PRKCE: variants seen among roughly 807,000 people sequenced by gnomAD.
The protein encoded by PRKCE is protein kinase C epsilon, also known as protein kinase C epsilon type.
A neutral mutation model predicts 85.4 loss-of-function variants in PRKCE; 16 were observed. The observed-to-expected ratio is 0.19, with a 90% confidence interval of 0.13 to 0.28. PRKCE has a LOEUF of 0.28. Ranked by LOEUF, PRKCE falls within the 10% of genes least tolerant of loss-of-function variation. The pLI, the probability that PRKCE is intolerant of heterozygous loss-of-function variation, is 1.00. For missense variants in PRKCE, 573 were observed against 975.2 expected (o/e 0.59, Z 5.49); for synonymous variants, 388 against 371.5 (o/e 1.04, Z -0.51).
chr2:45,742,205 T>A (rs116620838), intron 1 of PRKCE, among the ~76,000 whole-genome samples: 1 of 151,892 alleles, frequency 6.6e-6, no homozygotes, highest in African/African-American at 2.4e-5. Context: ...AAACCATATA[T>A]CCAATAAGGG....
chr2:46,122,828 A>G (rs1423759945), intron 11 of PRKCE, among the ~76,000 whole-genome samples: 1 of 150,986 alleles, frequency 6.6e-6, no homozygotes, highest in African/African-American at 2.4e-5. Context: ...TCCAATGGTC[A>G]GGAAGTGGGG....
chr2:45,674,757 A>G (rs1333963633), intron 1 of PRKCE: 1 of 152,260 alleles, frequency 6.6e-6, no homozygotes, highest in Non-Finnish European at 1.5e-5. Flanking sequence ...CTTCCTGAAA[A>G]GAGGTGGGCA....
rs115598152 is a variant in PRKCE at position 45,842,295 on chromosome 2, C to T, written c.349-705C>T. On this transcript the variant is annotated intron_variant, in intron 1 of 14. Transcript: ENST00000306156. ...ATACCTTCCCTTCCCTCTTCCCTTCCGTCTTCTACACTGATTTCAGGTTCG... is the reference window on the plus strand; with the variant it reads ...ATACCTTCCCTTCCCTCTTCCCTTCTGTCTTCTACACTGATTTCAGGTTCG... Among the ~76,000 whole-genome samples the T allele has an allele frequency of 2.7e-3, 407 of 152,264 alleles. 3 individuals are homozygous for T. Among genetic ancestry groups the T allele is most frequent in the African/African-American group, 9.0e-3 (372 of 41,542 alleles).
rs377263140 is a variant in PRKCE at position 46,172,177 on chromosome 2, C to G, written c.2067+12425C>G. Reference sequence around the variant, plus strand: ...CAGCGTTCATTCCATTAGCTGGGAGCCTGCAAAGCCAGGCTGAGCTGGGCC... The same window carrying G: ...CAGCGTTCATTCCATTAGCTGGGAGGCTGCAAAGCCAGGCTGAGCTGGGCC... On this transcript the variant is annotated intron_variant, in intron 14 of 14. Transcript: ENST00000306156. Among the ~76,000 whole-genome samples the G allele has an allele frequency of 5.3e-4, 81 of 152,338 alleles. 1 individual carries two copies. The South Asian group carries it at 0.016, about 30-fold the overall frequency.
At position 45,952,143 on chromosome 2, in the gene PRKCE, C is replaced by G. The variant is rs115393037; in HGVS notation, c.413-24286C>G. Among the ~76,000 whole-genome samples the G allele has an allele frequency of 3.2e-3, 491 of 152,300 alleles. 2 individuals are homozygous for G. Among genetic ancestry groups the G allele is most frequent in the African/African-American group, 0.011 (467 of 41,562 alleles). On this transcript the variant is annotated intron_variant, in intron 2 of 14. Coordinates refer to ENST00000306156, the MANE Select transcript of PRKCE (RefSeq NM_005400.3). ...CCACTGTGCCCAGTTGATTCAGACT[C>G]TTAAAAGAGCCTGACTCCTAGAATG... is the stretch of plus-strand genomic sequence containing the variant.
At chr2:45,815,044 C>G (rs961302842) in intron 1 of PRKCE, among the ~76,000 whole-genome samples, 8 of 152,256 alleles carry the variant, frequency 5.3e-5, no homozygotes, top group African/African-American at 1.4e-4. Flanking sequence ...GATCAGAGGT[C>G]TCTGTTCCCA....
chr2:45,718,186 G>A (rs1172220962), intron 1 of PRKCE, among the ~76,000 whole-genome samples: 1 of 152,104 alleles, frequency 6.6e-6, no homozygotes, highest in Non-Finnish European at 1.5e-5. Context: ...AATGTCAATA[G>A]CACTTTCCTC....
intron 2 of PRKCE, among the ~76,000 whole-genome samples, chr2:45,945,553 T>A (rs1340977433): frequency 6.6e-6 from 1 of 152,076 alleles, no homozygotes; most frequent in African/African-American, 2.4e-5. Flanking sequence ...AGGACAAACG[T>A]CGAAACTATA....
intron 1 of PRKCE, among the ~76,000 whole-genome samples, chr2:45,747,096 T>G (rs1683199871): frequency 6.6e-6 from 1 of 152,338 alleles, no homozygotes; most frequent in East Asian, 1.9e-4. Context: ...TTCTCAGAGA[T>G]TATAACCTCT....
intron 11 of PRKCE, among the ~76,000 whole-genome samples, chr2:46,121,738 G>C (rs997114474): frequency 5.9e-5 from 9 of 152,184 alleles, no homozygotes; most frequent in Non-Finnish European, 1.0e-4. Context: ...AGACAGGTGT[G>C]CCAGCCCTAA....
At chr2:45,724,676 T>C (rs1680907876) in intron 1 of PRKCE, among the ~76,000 whole-genome samples, 1 of 152,210 alleles carries the variant, frequency 6.6e-6, no homozygotes, top group Non-Finnish European at 1.5e-5. Flanking sequence ...TGAAACAGCC[T>C]TACTGCTGAT....
rs201815286 is a variant in PRKCE, at chr2:45,652,091, C to T, written c.-10C>T. Reference sequence around the variant, plus strand: ...CGGAGTGACCCCGGCCCCCACTCCCCGCCCCGACCATGGTAGTGTTCAATG... The same window carrying T: ...CGGAGTGACCCCGGCCCCCACTCCCTGCCCCGACCATGGTAGTGTTCAATG... On this transcript the variant is annotated 5_prime_UTR_variant, in exon 1 of 15. Coordinates refer to ENST00000306156, the MANE Select transcript of PRKCE (RefSeq NM_005400.3). This position sits in a 1 kb window ranked among gnomAD's most constrained non-coding sequence, Gnocchi z 7.7. 2.6e-6 allele frequency: 4 copies of T among 1,528,380 alleles called. No individual in the cohort carries two copies. Among genetic ancestry groups the T allele is most frequent in the African/African-American group, 2.8e-5 (2 of 72,454 alleles). The allele number at this position is 1,528,380 out of a possible 1,614,324, so 94.7% of individuals were successfully genotyped here.
At chr2:46,123,715 A>G (rs1175171623) in intron 11 of PRKCE, among the ~76,000 whole-genome samples, 1 of 152,014 alleles carries the variant, frequency 6.6e-6, no homozygotes, top group African/African-American at 2.4e-5. Flanking sequence ...CAAACTCCTG[A>G]CCTCCAGTGA....
chr2:45,815,054 A>G (rs2105292015), intron 1 of PRKCE, among the ~76,000 whole-genome samples: 1 of 152,172 alleles, frequency 6.6e-6, no homozygotes, highest in East Asian at 1.9e-4. Flanking sequence ...CTCTGTTCCC[A>G]CCCTGTGTGA....
intron 1 of PRKCE, among the ~76,000 whole-genome samples, chr2:45,733,166 T>G (rs1310442508): frequency 6.6e-6 from 1 of 152,232 alleles, no homozygotes; most frequent in Non-Finnish European, 1.5e-5. Flanking sequence ...AGAAGCTGGC[T>G]GAGGAGGTAT....
intron 14 of PRKCE, among the ~76,000 whole-genome samples, chr2:46,173,338 A>C (rs281477): frequency 0.82 from 125,411 of 152,186 alleles, 52,120 homozygotes; most frequent in East Asian, 0.96. Flanking sequence ...CATATGGCTC[A>C]CCACATCTAA....
intron 1 of PRKCE, among the ~76,000 whole-genome samples, chr2:45,817,622 A>G (rs1276724836): frequency 2.6e-5 from 4 of 152,158 alleles, no homozygotes; most frequent in Non-Finnish European, 4.4e-5. Context: ...TGAACCCGGA[A>G]AGCGGAGCTT....
At chr2:45,965,698 A>T (rs1701685656) in intron 2 of PRKCE, among the ~76,000 whole-genome samples, 1 of 152,258 alleles carries the variant, frequency 6.6e-6, no homozygotes, top group African/African-American at 2.4e-5. Flanking sequence ...CAGTGTCCAC[A>T]TGATAAACAT....
intron 11 of PRKCE, among the ~76,000 whole-genome samples, chr2:46,133,122 T>C (rs1674625819): frequency 6.6e-6 from 1 of 152,184 alleles, no homozygotes; most frequent in Non-Finnish European, 1.5e-5. Context: ...GAGCTTGAAG[T>C]GCGGTTTTCT....
Sources: gnomAD v4.1 joint callset for allele counts (sites outside exome capture counted in the v4.1 genomes callset) on GRCh38, gnomAD v4.1.1 for gene constraint, Gnocchi (gnomAD v3.1) non-coding constraint, MANE v1.5 for transcripts, NCBI Gene and HGNC (gene_info 2026-07-23, HGNC 2026-07-21) for gene names.